Variants in SYNE2 observed in about 807,000 individuals in gnomAD.
SYNE2 encodes the protein nesprin-2.
SYNE2 carries 431 observed loss-of-function variants against 856.3 expected under a neutral mutation model. That is an observed-to-expected ratio of 0.50 (90% confidence interval 0.47 to 0.55). The LOEUF (loss-of-function observed/expected upper bound fraction) is 0.55. SYNE2 is among the 20% of genes least tolerant of loss of function. The pLI, the probability that SYNE2 is intolerant of heterozygous loss-of-function variation, is 0.00. For synonymous variants in SYNE2, 2,923 were observed against 2,872.3 expected (o/e 1.02, Z -0.56); for missense variants, 8,129 against 8,023.2 (o/e 1.01, Z -0.50).
intron 21 of SYNE2, among the ~76,000 whole-genome samples, chr14:63,992,847 C>T (rs1259311739): frequency 2.6e-5 from 4 of 152,108 alleles, no homozygotes; most frequent in African/African-American, 9.7e-5. Context: ...GAGGAGAGCC[C>T]TGGAGCTCAG....
chr14:64,040,420 A>C (rs1279797358), intron 45 of SYNE2, among the ~76,000 whole-genome samples: 1 of 151,962 alleles, frequency 6.6e-6, no homozygotes, highest in Admixed American at 6.6e-5. Flanking sequence ...AAAAATAATC[A>C]TAAGGGACTT....
chr14:63,878,523 C>A (rs1299382966), intron 1 of SYNE2, among the ~76,000 whole-genome samples: 1 of 151,768 alleles, frequency 6.6e-6, no homozygotes, highest in African/African-American at 2.4e-5. Flanking sequence ...CTGAAGCCCC[C>A]TTTTATTTTT....
At chr14:64,015,643 T>G (rs1461241119) in intron 32 of SYNE2, among the ~76,000 whole-genome samples, 1 of 152,126 alleles carries the variant, frequency 6.6e-6, no homozygotes, top group African/African-American at 2.4e-5. Flanking sequence ...AGCTCTTTAT[T>G]TTATTGGTTT....
chr14:64,201,029 C>T (rs1028669080), intron 99 of SYNE2, among the ~76,000 whole-genome samples: 2 of 152,210 alleles, frequency 1.3e-5, no homozygotes, highest in African/African-American at 2.4e-5. Flanking sequence ...TCACTCTGTG[C>T]AGCTGACTTT....
At chr14:64,022,133 CA>C (rs1483040828) in intron 37 of SYNE2, 105 bp downstream of exon 37, 34 of 1,065,260 alleles carry the variant, frequency 3.2e-5, no homozygotes, top group Non-Finnish European at 4.7e-5. Flanking sequence ...ATGGTTTGCA[CA>C]GACTACATTC....
chr14:63,891,221 T>C (rs369612689), intron 1 of SYNE2, among the ~76,000 whole-genome samples: 5 of 152,062 alleles, frequency 3.3e-5, no homozygotes, highest in Admixed American at 2.6e-4. Context: ...TCAAAAGAGA[T>C]TAACAAGAAA....
intron 113 of SYNE2, 104 bp downstream of exon 113, chr14:64,223,484 C>G (rs2098704039): frequency 1.5e-6 from 2 of 1,369,856 alleles, no homozygotes; most frequent in East Asian, 4.8e-5. Context: ...AAGCAAGGGC[C>G]AGGTGGTCCG....
At chr14:63,825,426 A>G (rs914960881) in intron 1 of SYNE2, among the ~76,000 whole-genome samples, 1 of 152,210 alleles carries the variant, frequency 6.6e-6, no homozygotes, top group South Asian at 2.1e-4. Context: ...ATACACAAAA[A>G]TCAATTGTAT....
At chr14:64,043,429 G>C (rs1239743302) in intron 45 of SYNE2, among the ~76,000 whole-genome samples, 1 of 152,158 alleles carries the variant, frequency 6.6e-6, no homozygotes, top group Non-Finnish European at 1.5e-5. Context: ...AGACAATGGG[G>C]GAAATGTCTC....
intron 98 of SYNE2, 100 bp from the exon 99 acceptor site, chr14:64,189,971 T>TTG: frequency 6.9e-7 from 1 of 1,450,770 alleles, no homozygotes; most frequent in Non-Finnish European, 9.3e-7. Context: ...CCAATTTTTT[T>TTG]TTTTTTTTTT....
chr14:63,762,030 A>G, intron 1 of SYNE2: 1 of 496,368 alleles, frequency 2.0e-6, no homozygotes, highest in South Asian at 1.5e-5. Context: ...AATATAAGCT[A>G]GTCGTTCTTG....
intron 7 of SYNE2, among the ~76,000 whole-genome samples, chr14:63,952,466 C>A (rs1238914876): frequency 1.3e-5 from 2 of 152,184 alleles, no homozygotes; most frequent in African/African-American, 4.8e-5. Context: ...ATGGTAAAAG[C>A]CACAATTACT....
At chr14:63,783,220 A>C (rs574551611) in intron 1 of SYNE2, among the ~76,000 whole-genome samples, 104 of 152,274 alleles carry the variant, frequency 6.8e-4, no homozygotes, top group Non-Finnish European at 1.2e-3. Flanking sequence ...AGTGTTTGGT[A>C]GTTCCTCCTG....
chr14:64,050,291 C>T (rs1359767851), intron 47 of SYNE2, among the ~76,000 whole-genome samples: 2 of 152,192 alleles, frequency 1.3e-5, no homozygotes, highest in South Asian at 2.1e-4. Flanking sequence ...GACCTAATCA[C>T]TCCTCAAAGT....
intron 10 of SYNE2, among the ~76,000 whole-genome samples, chr14:63,966,210 C>T (rs1046347917): frequency 2.6e-5 from 4 of 152,028 alleles, no homozygotes; most frequent in South Asian, 2.1e-4. Context: ...CACACTACAA[C>T]CCCAGAGCTG....
At chr14:63,936,087 C>A (rs577651079) in intron 2 of SYNE2, among the ~76,000 whole-genome samples, 3 of 152,284 alleles carry the variant, frequency 2.0e-5, no homozygotes, top group Non-Finnish European at 4.4e-5. Context: ...GTTGGCCACG[C>A]TGGTCTCGAA....
At chr14:64,032,933 T>C (rs1256157459) in intron 45 of SYNE2, among the ~76,000 whole-genome samples, 2 of 152,160 alleles carry the variant, frequency 1.3e-5, no homozygotes, top group South Asian at 2.1e-4. Flanking sequence ...TTTGTGGGGC[T>C]GAAGTGGGAA....
intron 32 of SYNE2, among the ~76,000 whole-genome samples, chr14:64,015,427 T>C (rs2096885214): frequency 6.6e-6 from 1 of 152,076 alleles, no homozygotes; most frequent in African/African-American, 2.4e-5. Context: ...GCAGTAGTGT[T>C]TTTCAAAGTA....
chr14:63,854,234 T>C (rs1891181268), intron 1 of SYNE2, among the ~76,000 whole-genome samples: 1 of 151,932 alleles, frequency 6.6e-6, no homozygotes, highest in Non-Finnish European at 1.5e-5. Context: ...TCCGAAGGCT[T>C]CGTTGCAGAT....
Sources: gnomAD v4.1 joint callset for allele counts (sites outside exome capture counted in the v4.1 genomes callset) on GRCh38, gnomAD v4.1.1 for gene constraint, MANE v1.5 for transcripts, NCBI Gene and HGNC (gene_info 2026-07-23, HGNC 2026-07-21) for gene names.